CYP24A1: variants seen among roughly 807,000 people sequenced by gnomAD.
CYP24A1 encodes the protein 1,25-dihydroxyvitamin D(3) 24-hydroxylase, mitochondrial.
In CYP24A1, 68 loss-of-function variants were observed where a neutral mutation model predicts 62.4. The ratio of observed to expected loss-of-function variants is 1.09; its 90% confidence interval spans 0.90 to 1.33. CYP24A1 has a LOEUF of 1.33. CYP24A1 is among the 40% of genes most tolerant of loss of function. The pLI is 0.00. For missense variants in CYP24A1, 787 were observed against 653.0 expected, an observed-to-expected ratio of 1.21 and a Z score of -2.24; for synonymous variants, 267 against 253.0, an observed-to-expected ratio of 1.06 and a Z score of -0.52.
intron 11 of CYP24A1, among the ~76,000 whole-genome samples, chr20:54,156,101 T>C (rs34599923): frequency 8.5e-4 from 130 of 152,326 alleles, no homozygotes; most frequent in Admixed American, 3.6e-3. Context: ...ATATTACATG[T>C]GGTTGCATAA....
downstream of CYP24A1, among the ~76,000 whole-genome samples, chr20:54,150,074 G>A (rs1318700868): frequency 6.6e-6 from 1 of 152,148 alleles, no homozygotes; most frequent in African/African-American, 2.4e-5. Flanking sequence ...AAATCCCACT[G>A]CTTAAGGTCA....
Position 54,157,503 on chromosome 20 carries a change from C to G in CYP24A1, c.1319G>C (p.Trp440Ser). 6.3e-7 allele frequency: 1 copy of G among 1,595,986 alleles called. No homozygotes were observed. The highest frequency in any genetic ancestry group is 8.6e-7 in the Non-Finnish European group (1 of 1,163,478). The change falls in exon 10 of 12, where the codon TGG becomes TCG. Residue 440 changes from tryptophan (W) to serine (S), a missense_variant. Physicochemically the swap from Trp to Ser is radical, Grantham distance 177. Coordinates refer to ENST00000216862, the MANE Select transcript of CYP24A1 (RefSeq NM_000782.5). ...ATTAATTTTTTCCTTCTCCTGAAGC[C>G]AACGTTCAGGTCTAAACTGACTTGA... ...EDSSQFRPER[W>S]LQEKEKINPF...
downstream of CYP24A1, among the ~76,000 whole-genome samples, chr20:54,149,628 C>A (rs1555888275): frequency 6.6e-6 from 1 of 152,114 alleles, no homozygotes; most frequent in South Asian, 2.1e-4. Context: ...ACTGCTCCCC[C>A]GGAGAGTAGG....
intron 4 of CYP24A1, among the ~76,000 whole-genome samples, chr20:54,169,127 G>T (rs966059962): frequency 2.0e-5 from 3 of 151,562 alleles, no homozygotes; most frequent in Non-Finnish European, 4.4e-5. Context: ...CAGATTCCTG[G>T]GCTGGCCTCA....
intron 7 of CYP24A1, among the ~76,000 whole-genome samples, chr20:54,161,762 G>T (rs576535575): frequency 3.8e-4 from 58 of 152,262 alleles, no homozygotes; most frequent in African/African-American, 1.3e-3. Flanking sequence ...AGTGAGCGAG[G>T]ATGGATTCCC....
At chr20:54,145,238 T>C in the CYP24A1 span, among the ~76,000 whole-genome samples, 383 of 151,544 alleles carry the variant, frequency 2.5e-3, 3 homozygotes, top group African/African-American at 8.9e-3. Flanking sequence ...ATTGACTTAA[T>C]GTTTGTCCAA....
At position 54,165,902 on chromosome 20, in the gene CYP24A1, T is replaced by C. The variant is rs975522543; in HGVS notation, c.641-69A>G. On this transcript the variant is annotated intron_variant, in intron 4 of 11. Coordinates refer to ENST00000216862, the MANE Select transcript of CYP24A1 (RefSeq NM_000782.5). The stretch of plus-strand genomic sequence containing the variant: ...GGAGTTGGAGTCTATGTTTAGCTGG[T>C]TATTAAAGACTCAATTCTATGCCTC... The C allele has an allele frequency of 2.3e-5, 20 of 881,392 alleles. No homozygotes were observed. The East Asian group carries it at 4.6e-4, about 20-fold the overall frequency. The allele number at this position is 881,392 out of a possible 1,614,324, so 54.6% of individuals were successfully genotyped here.
At chr20:54,164,599 C>A (rs1204830703) in intron 5 of CYP24A1, 36 bp from the exon 6 acceptor site, 1 of 1,613,898 alleles carries the variant, frequency 6.2e-7, no homozygotes, top group East Asian at 2.2e-5. Flanking sequence ...ATTCTGAATT[C>A]TCCTTCTCTC....
chr20:54,170,738 A>T (rs1181160995), intron 3 of CYP24A1, among the ~76,000 whole-genome samples: 2 of 152,114 alleles, frequency 1.3e-5, no homozygotes, highest in African/African-American at 4.8e-5. Flanking sequence ...ACGTTTCCTG[A>T]AATTTTTACT....
At chr20:54,151,810 C>A (rs1401586286), downstream of CYP24A1, among the ~76,000 whole-genome samples, 1 of 152,130 alleles carries the variant, frequency 6.6e-6, no homozygotes, top group Non-Finnish European at 1.5e-5. Context: ...TTGTTGGAAT[C>A]CTGGCTTCCC....
At position 54,169,653 on chromosome 20, in the gene CYP24A1, G is replaced by A. The variant is rs368717988; in HGVS notation, c.579C>T (p.Leu193=). Residue 193 remains leucine, a synonymous_variant, in exon 4 of 12, where the codon CTC becomes CTT. Coordinates refer to ENST00000216862, the MANE Select transcript of CYP24A1 (RefSeq NM_000782.5). ...CTTCAACGTGGCCTCTTTCATCACAGAGCTCATCTATTCTGCCCATAAAAT... is the reference window on the plus strand; with the variant it reads ...CTTCAACGTGGCCTCTTTCATCACAAAGCTCATCTATTCTGCCCATAAAAT... The part of the protein sequence containing the change: ...LADFMGRIDE[L]CDERGHVEDL... 1.2e-6 allele frequency: 2 copies of A among 1,614,020 alleles called. No individual in the cohort carries two copies.
At position 54,171,433 on chromosome 20, in the gene CYP24A1, G is replaced by A. The variant is rs1007632062; in HGVS notation, c.543+144C>T. On this transcript the variant is annotated intron_variant, in intron 3 of 11. Coordinates refer to ENST00000216862, the MANE Select transcript of CYP24A1 (RefSeq NM_000782.5). ...TTGGTGGGGAGGAGGCTGTAGGAAG[G>A]AATGGAGAGAAAGAGAAGACCCCCA... 6 of 1,513,652 alleles carry A rather than the reference G, an allele frequency of 4.0e-6. No individual in the cohort carries two copies. In the African/African-American group the frequency reaches 5.5e-5, roughly 14 times the overall value. 93.8% of individuals were successfully genotyped at this position (1,513,652 alleles called of 1,614,324 possible). A position where few individuals can be genotyped will look rare whatever the true frequency, so the allele number is the denominator to read the frequency against.
chr20:54,157,154 C>A lies in CYP24A1; in HGVS notation c.*10+15G>T. On this transcript the variant is annotated intron_variant, in intron 11 of 11. Coordinates refer to ENST00000216862, the MANE Select transcript of CYP24A1 (RefSeq NM_000782.5). The stretch of plus-strand genomic sequence containing the variant: ...CACTACCTTGCAGAGGATAATGAAC[C>A]GCCTAGATGCTCACCTGAGGCGTAT... The A allele has an allele frequency of 8.1e-7, 1 of 1,241,528 alleles. No homozygotes were observed. The highest frequency in any genetic ancestry group is 1.2e-6 in the Non-Finnish European group (1 of 845,652). The allele number at this position is 1,241,528 out of a possible 1,614,324, so 76.9% of individuals were successfully genotyped here. A position where few individuals can be genotyped will look rare whatever the true frequency, so the allele number is the denominator to read the frequency against.
At position 54,173,449 on chromosome 20, in the gene CYP24A1, C is replaced by A; in HGVS notation, c.131G>T (p.Cys44Phe). 1.9e-6 allele frequency: 3 copies of A among 1,567,986 alleles called. No homozygotes were observed. The highest frequency in any genetic ancestry group is 2.6e-6 in the Non-Finnish European group (3 of 1,156,204). Residue 44 changes from cysteine to phenylalanine, a missense_variant, in exon 1 of 12, where the codon TGC (cysteine) becomes TTC (phenylalanine). Cys to Phe is a radical substitution (Grantham distance 205). Coordinates refer to ENST00000216862, the MANE Select transcript of CYP24A1 (RefSeq NM_000782.5). This position sits in a 1 kb window ranked among gnomAD's most constrained non-coding sequence, Gnocchi z 7.2. ...AGTCTCGCCACCAGCTGTCAGCGGGCAGACTGGCACCTCTCGCGGCTGAGG... is the reference window on the plus strand; with the variant it reads ...AGTCTCGCCACCAGCTGTCAGCGGGAAGACTGGCACCTCTCGCGGCTGAGG... Reference protein sequence around the residue: ...TSPQPREVPVCPLTAGGETQN... With the variant: ...TSPQPREVPVFPLTAGGETQN...
intron 7 of CYP24A1, chr20:54,162,514 G>C: frequency 1.7e-6 from 1 of 584,218 alleles, no homozygotes; most frequent in South Asian, 1.9e-5. Context: ...GTGGCGTCTG[G>C]TATGAGGCCG....
chr20:54,157,425 C>T lies in CYP24A1; in HGVS notation c.1397G>A (p.Arg466Gln), dbSNP rs761303692. Residue 466 changes from arginine to glutamine, a missense_variant, in exon 10 of 12, where the codon CGA (arginine) becomes CAA (glutamine). Transcript: ENST00000216862. ...GVGKRMCIGR[R>Q]LAELQLHLAL... ...CAAATGCAGTTGAAGCTCTGCTAAT[C>T]GGCGACCAATGCACATTCTTTTTCC... The T allele has an allele frequency of 2.2e-5, 35 of 1,605,128 alleles. 1 individual carries two copies. In the South Asian group the frequency reaches 2.8e-4, roughly 13 times the overall value.
intron 4 of CYP24A1, 72 bp from the exon 5 acceptor site, chr20:54,165,905 T>C: frequency 1.1e-6 from 1 of 875,206 alleles, no homozygotes; most frequent in South Asian, 1.3e-5. Context: ...TAGCTGGTTA[T>C]TAAAGACTCA....
intron 7 of CYP24A1, among the ~76,000 whole-genome samples, chr20:54,159,796 A>T (rs2092643747): frequency 6.6e-6 from 1 of 152,220 alleles, no homozygotes; most frequent in Non-Finnish European, 1.5e-5. Context: ...TCAGATTGTG[A>T]CAACGTTTTC....
Position 54,173,523 on chromosome 20 carries a change from G to T in CYP24A1, c.57C>A (p.Arg19=). ...CCAGTCTCGGGGGCTGCCTCGGACT[G>T]CGCAGCTGCTGCAGGAAGGCGGCAA... is the stretch of plus-strand genomic sequence containing the variant. ...RSLAAFLQQL[R]SPRQPPRLVT... is the part of the protein sequence containing the mutation. The change falls in exon 1 of 12, where the codon CGC becomes CGA. Residue 19 remains arginine (R), a synonymous_variant. Coordinates refer to ENST00000216862, the MANE Select transcript of CYP24A1 (RefSeq NM_000782.5). This position sits in a 1 kb window ranked among gnomAD's most constrained non-coding sequence, Gnocchi z 7.2. The T allele has an allele frequency of 6.4e-7, 1 of 1,572,872 alleles. No individual in the cohort carries two copies. Among genetic ancestry groups the T allele is most frequent in the Non-Finnish European group, 8.6e-7 (1 of 1,160,206 alleles).
Sources: allele counts gnomAD v4.1 joint callset (sites outside exome capture counted in the v4.1 genomes callset), GRCh38; gene constraint gnomAD v4.1.1; non-coding constraint Gnocchi (gnomAD v3.1); transcripts MANE v1.5; gene names NCBI Gene and HGNC (gene_info 2026-07-23, HGNC 2026-07-21).